TMEM171: variants seen among roughly 807,000 people sequenced by gnomAD.
TMEM171 encodes the protein transmembrane protein 171.
A neutral mutation model predicts 19.1 loss-of-function variants in TMEM171; 16 were observed. That is an observed-to-expected ratio of 0.84 (90% confidence interval 0.57 to 1.27). TMEM171 has a LOEUF of 1.27. Ranked by LOEUF, TMEM171 falls within the 50% of genes most tolerant of loss-of-function variation. The pLI is 0.00. For synonymous variants in TMEM171, 153 were observed against 163.4 expected (o/e 0.94, Z 0.48); for missense variants, 429 against 412.7 (o/e 1.04, Z -0.34).
At chr5:73,128,886 A>C (rs148479283) in intron 3 of TMEM171, among the ~76,000 whole-genome samples, 2 of 152,234 alleles carry the variant, frequency 1.3e-5, no homozygotes, top group African/African-American at 2.4e-5. Flanking sequence ...TGAGCTTAGG[A>C]GTTTGAGACC....
chr5:73,128,731 G>A (rs759758050), intron 3 of TMEM171, among the ~76,000 whole-genome samples, 200 bp downstream of exon 3: 2 of 144,184 alleles, frequency 1.4e-5, no homozygotes, highest in Non-Finnish European at 3.0e-5. Context: ...TGATCATGCT[G>A]GGTTAATATG....
Position 73,123,496 on chromosome 5 carries a change from C to A in TMEM171, c.123C>A (p.Ile41=). The change falls in exon 2 of 4, where the codon ATC becomes ATA. Residue 41 remains isoleucine, a synonymous_variant. Transcript: ENST00000454765. ...TGTGTGTGGGAGTCCTGCTCTCCAT[C>A]TTTGGGTTCCAGGCATGCCAATATA... ...VLLCVGVLLS[I]FGFQACQYKP... 6.2e-7 allele frequency: 1 copy of A among 1,614,234 alleles called. No individual in the cohort carries two copies. The highest frequency in any genetic ancestry group is 1.3e-5 in the African/African-American group (1 of 75,058).
At position 73,120,679 on chromosome 5, in the gene TMEM171, C is replaced by T; in HGVS notation, c.-86C>T. On this transcript the variant is annotated 5_prime_UTR_variant, in exon 1 of 4. Coordinates refer to ENST00000454765, the MANE Select transcript of TMEM171 (RefSeq NM_173490.8). ...GCCCACAGCAGCGCGGTCAGCCAGG[C>T]GCCGGACCCAGCTTCAGGTAAGCTG... 20 of 984,302 alleles carry T rather than the reference C, an allele frequency of 2.0e-5. No individual in the cohort carries two copies. Among genetic ancestry groups the T allele is most frequent in the Non-Finnish European group, 2.3e-5 (19 of 829,662 alleles). 61.0% of individuals were successfully genotyped at this position (984,302 alleles called of 1,614,324 possible).
At position 73,131,691 on chromosome 5, in the gene TMEM171, T is replaced by C; in HGVS notation, c.936T>C (p.Ala312=). 2 of 1,613,830 alleles carry C rather than the reference T, an allele frequency of 1.2e-6. No individual in the cohort carries two copies. The highest frequency in any genetic ancestry group is 1.7e-6 in the Non-Finnish European group (2 of 1,179,874). ...ATGAAGAAAAAGAAAATGCTGCAGC[T>C]ACATTCTTGCCTCTATCTTCTGAGC... ...PRYEEKENAA[A]TFLPLSSEPS... Residue 312 remains alanine (A), a synonymous_variant, in exon 4 of 4, where the codon GCT becomes GCC. Coordinates refer to ENST00000454765, the MANE Select transcript of TMEM171 (RefSeq NM_173490.8).
chr5:73,123,827 G>A lies in TMEM171; in HGVS notation c.454G>A (p.Asp152Asn), dbSNP rs1188100353. 17 of 1,612,638 alleles carry A rather than the reference G, an allele frequency of 1.1e-5. No individual in the cohort carries two copies. Among genetic ancestry groups the A allele is most frequent in the Admixed American group, 1.7e-5 (1 of 59,894 alleles). The change falls in exon 2 of 4, where the codon GAC (aspartate) becomes AAC (asparagine). Residue 152 changes from aspartate (D) to asparagine (N), a missense_variant. Asp to Asn is a conservative substitution (Grantham distance 23). Coordinates refer to ENST00000454765, the MANE Select transcript of TMEM171 (RefSeq NM_173490.8). ...QEPLNETDTG[D>N]SEPRMCGFLS... The stretch of plus-strand genomic sequence containing the variant: ...ACCGCTAAACGAGACAGACACTGGC[G>A]ACTCAGAGCCCCGGATGTGTGGGTT...
chr5:73,130,554 G>A (rs1327081175), intron 3 of TMEM171, among the ~76,000 whole-genome samples: 1 of 152,158 alleles, frequency 6.6e-6, no homozygotes. Context: ...GCAGGCAGTG[G>A]GCCTTGGAGC....
In TMEM171 at chr5:73,123,990, T is replaced by C; in HGVS notation, c.617T>C (p.Met206Thr). 1 of 1,578,724 alleles carries C rather than the reference T, an allele frequency of 6.3e-7. No homozygotes were observed. Among genetic ancestry groups the C allele is most frequent in the South Asian group, 1.2e-5 (1 of 84,496 alleles). ...SEREEGQIQI[M>T]EPVQVTVGDS... ...AGAGAAGAGGGACAGATCCAGATTATGGAGCCTGTCCAGGTCACTGTAGGT... is the reference window on the plus strand; with the variant it reads ...AGAGAAGAGGGACAGATCCAGATTACGGAGCCTGTCCAGGTCACTGTAGGT... The change falls in exon 2 of 4, where the codon ATG becomes ACG. Residue 206 changes from methionine (M) to threonine (T), a missense_variant. Met to Thr is a moderately conservative substitution (Grantham distance 81). Coordinates refer to ENST00000454765, the MANE Select transcript of TMEM171 (RefSeq NM_173490.8).
intron 2 of TMEM171, among the ~76,000 whole-genome samples, chr5:73,124,525 T>C (rs967137344): frequency 6.6e-6 from 1 of 152,216 alleles, no homozygotes; most frequent in African/African-American, 2.4e-5. Context: ...GCAGTGCCTC[T>C]CTAAGATTCC....
chr5:73,127,384 A>AAAAAAAAAAATAT lies in TMEM171; in HGVS notation c.641-1005_641-1004insAAAAAAAAATATA. On this transcript the variant is annotated intron_variant, in intron 2 of 3. Coordinates refer to ENST00000454765, the MANE Select transcript of TMEM171 (RefSeq NM_173490.8). ...AAATTTGTGGTAAAAAAAAAAAAAA[A>AAAAAAAAAAATAT]ATATATATATATATATATATATAAA... Among the ~76,000 whole-genome samples, 5 of 81,676 alleles carry AAAAAAAAAAATAT rather than the reference A, an allele frequency of 6.1e-5. No individual in the cohort carries two copies. In the East Asian group the frequency reaches 1.4e-3, roughly 22 times the overall value. The allele number at this position is 81,676 out of a possible 152,430, so 53.6% of individuals were successfully genotyped here. A position where few individuals can be genotyped will look rare whatever the true frequency, so the allele number is the denominator to read the frequency against.
At chr5:73,122,609 G>A (rs1744034114) in intron 1 of TMEM171, among the ~76,000 whole-genome samples, 2 of 152,148 alleles carry the variant, frequency 1.3e-5, no homozygotes. Context: ...ATGTCACCCA[G>A]GCTGGTCTCG....
chr5:73,123,797 C>T lies in TMEM171; in HGVS notation c.424C>T (p.Gln142Ter). Residue 142 changes from glutamine (Q) to a stop codon, truncating the protein, a stop_gained, in exon 2 of 4, where the codon CAG becomes TAG. Coordinates refer to ENST00000454765, the MANE Select transcript of TMEM171 (RefSeq NM_173490.8). LOFTEE classifies it high-confidence loss of function. Reference sequence around the variant, plus strand: ...CCCTGGATGTGGCTCCAACTGGGCGCAGGAACCGCTAAACGAGACAGACAC... The same window carrying T: ...CCCTGGATGTGGCTCCAACTGGGCGTAGGAACCGCTAAACGAGACAGACAC... ...WVPGCGSNWA[Q>*]EPLNETDTGD... is the part of the protein sequence containing the mutation. 6.2e-7 allele frequency: 1 copy of T among 1,612,754 alleles called. No homozygotes were observed. The highest frequency in any genetic ancestry group is 8.5e-7 in the Non-Finnish European group (1 of 1,179,046).
intron 1 of TMEM171, 124 bp from the exon 2 acceptor site, chr5:73,123,182 A>G: frequency 1.4e-6 from 1 of 698,872 alleles, no homozygotes; most frequent in Non-Finnish European, 2.2e-6. Flanking sequence ...ACAGCTTATC[A>G]GTTGTATAAA....
At position 73,123,601 on chromosome 5, in the gene TMEM171, G is replaced by C. The variant is rs1190040961; in HGVS notation, c.228G>C (p.Leu76=). The change falls in exon 2 of 4, where the codon CTG becomes CTC. Residue 76 remains leucine (L), a synonymous_variant. Coordinates refer to ENST00000454765, the MANE Select transcript of TMEM171 (RefSeq NM_173490.8). ...TGGTTGGGCTTGGGGCTGTGATCCT[G>C]GCCCGCTCCCGGGCGCAACTTCAGC... The part of the protein sequence containing the change: ...CAVVGLGAVI[L]ARSRAQLQLR... 1 of 1,614,206 alleles carries C rather than the reference G, an allele frequency of 6.2e-7. No individual in the cohort carries two copies. Among genetic ancestry groups the C allele is most frequent in the South Asian group, 1.1e-5 (1 of 91,070 alleles).
In TMEM171 at chr5:73,128,400, A is replaced by G. The variant is rs73099984; in HGVS notation, c.651A>G (p.Val217=). 1,759 of 1,614,132 alleles carry G rather than the reference A, an allele frequency of 1.1e-3. 22 individuals are homozygous for G. The African/African-American group carries it at 0.02, about 19-fold the overall frequency. Residue 217 remains valine, a synonymous_variant, in exon 3 of 4, where the codon GTA becomes GTG. Transcript: ENST00000454765. ...ATTGTTTTGCCTTAGGTGACTCGGT[A>G]ATAATATTTCCACCCCCTCCACCAC... ...EPVQVTVGDS[V]IIFPPPPPPY...
chr5:73,124,030 T>G lies in TMEM171; in HGVS notation c.640+17T>G. 1 of 1,515,422 alleles carries G rather than the reference T, an allele frequency of 6.6e-7. No homozygotes were observed. Among genetic ancestry groups the G allele is most frequent in the Non-Finnish European group, 8.8e-7 (1 of 1,131,832 alleles). 93.9% of individuals were successfully genotyped at this position (1,515,422 alleles called of 1,614,324 possible). A position where few individuals can be genotyped will look rare whatever the true frequency, so the allele number is the denominator to read the frequency against. ...TCACTGTAGGTGGGTTGCTGTTATT[T>G]GCGTTCTTGCTTCTATCACAGTGGC... On this transcript the variant is annotated intron_variant, in intron 2 of 3. Coordinates refer to ENST00000454765, the MANE Select transcript of TMEM171 (RefSeq NM_173490.8).
chr5:73,129,639 A>G (rs1264023104), intron 3 of TMEM171, among the ~76,000 whole-genome samples: 2 of 152,010 alleles, frequency 1.3e-5, no homozygotes, highest in South Asian at 2.1e-4. Flanking sequence ...TCTCAGGGGG[A>G]AAAAAAAGAA....
At position 73,131,790 on chromosome 5, in the gene TMEM171, A is replaced by T. The variant is rs1561515732; in HGVS notation, c.*60A>T. 2.8e-6 allele frequency: 4 copies of T among 1,410,962 alleles called. No homozygotes were observed. The highest frequency in any genetic ancestry group is 2.4e-5 in the Admixed American group (1 of 42,128). 87.4% of individuals were successfully genotyped at this position (1,410,962 alleles called of 1,614,324 possible). ...ATCACTATTTTATTTAATTTTTTTT[A>T]AATAAAAAATACAATAGCATTGGCT... is the stretch of plus-strand genomic sequence containing the variant. On this transcript the variant is annotated 3_prime_UTR_variant, in exon 4 of 4. Coordinates refer to ENST00000454765, the MANE Select transcript of TMEM171 (RefSeq NM_173490.8).
chr5:73,125,593 T>G (rs968704813), intron 2 of TMEM171, among the ~76,000 whole-genome samples: 5 of 152,236 alleles, frequency 3.3e-5, no homozygotes, highest in Non-Finnish European at 7.3e-5. Context: ...GGGCTCCCTT[T>G]AATTTGATAG....
intron 1 of TMEM171, among the ~76,000 whole-genome samples, chr5:73,121,948 G>A (rs1328631025): frequency 6.6e-6 from 1 of 152,144 alleles, no homozygotes; most frequent in East Asian, 1.9e-4. Context: ...TGACTTACGG[G>A]GTCCTGGTAA....
Sources: gnomAD v4.1 joint callset for allele counts (sites outside exome capture counted in the v4.1 genomes callset) on GRCh38, gnomAD v4.1.1 for gene constraint, MANE v1.5 for transcripts, NCBI Gene and HGNC (gene_info 2026-07-23, HGNC 2026-07-21) for gene names.